Variants in GLYATL1 observed in about 807,000 individuals in gnomAD.
GLYATL1 encodes glycine-N-acyltransferase like 1, also known as glycine N-acyltransferase-like protein 1.
A neutral mutation model predicts 20.0 loss-of-function variants in GLYATL1; 15 were observed. The ratio of observed to expected loss-of-function variants is 0.75; its 90% CI spans 0.50 to 1.15. The LOEUF is 1.15. Among genes scored for constraint, GLYATL1 ranks in the 50% most tolerant of loss-of-function variants. The pLI is 0.00. For missense variants in GLYATL1, 380 were observed against 368.5 expected, an observed-to-expected ratio of 1.03 and a Z score of -0.26; for synonymous variants, 151 against 131.5, an observed-to-expected ratio of 1.15 and a Z score of -1.01.
rs956333589 is a variant in GLYATL1, at chr11:58,946,878, C to G, written c.-42-168C>G. 5.1e-5 allele frequency: 33 copies of G among 649,992 alleles called. No homozygotes were observed. In the African/African-American group the frequency reaches 5.4e-4, roughly 11 times the overall value. 40.3% of individuals were successfully genotyped at this position (649,992 alleles called of 1,614,324 possible). On this transcript the variant is annotated intron_variant, in intron 2 of 6. Coordinates refer to ENST00000532726, the MANE Select transcript of GLYATL1 (RefSeq NM_001389712.2). ...CAAAATCTGACTCTGGCATTTATCT[C>G]TAAGAACTTGAGAAATTTACTTAGT...
downstream of GLYATL1, among the ~76,000 whole-genome samples, chr11:58,911,641 C>T (rs1163746323): frequency 6.6e-6 from 1 of 152,038 alleles, no homozygotes; most frequent in Non-Finnish European, 1.5e-5. Context: ...AAATATTTTG[C>T]CCATTTTTAT....
chr11:58,953,393 T>G (rs938961708), intron 4 of GLYATL1, among the ~76,000 whole-genome samples: 3 of 150,306 alleles, frequency 2.0e-5, no homozygotes, highest in Non-Finnish European at 4.4e-5. Context: ...ACAGTCTGTT[T>G]TTTTTTTTTT....
intron 1 of GLYATL1, among the ~76,000 whole-genome samples, chr11:58,929,150 A>G (rs2135129338): frequency 6.6e-6 from 1 of 152,372 alleles, no homozygotes; most frequent in East Asian, 1.9e-4. Context: ...ACAATGGTGA[A>G]TAGAATCTGC....
upstream of GLYATL1, among the ~76,000 whole-genome samples, chr11:58,936,696 G>A (rs1050427661): frequency 6.6e-6 from 1 of 152,204 alleles, no homozygotes; most frequent in Admixed American, 6.5e-5. Flanking sequence ...TTGATTTGTA[G>A]TATAGCCAAA....
chr11:58,918,312 T>G (rs1480061260), intron 1 of GLYATL1, among the ~76,000 whole-genome samples: 1 of 152,272 alleles, frequency 6.6e-6, no homozygotes, highest in Non-Finnish European at 1.5e-5. Flanking sequence ...TTTCCAGGTT[T>G]GGACTGTAAC....
downstream of GLYATL1, among the ~76,000 whole-genome samples, chr11:58,911,100 C>A (rs1346518905): frequency 2.0e-5 from 3 of 152,176 alleles, no homozygotes; most frequent in African/African-American, 7.2e-5. Context: ...AGCATGGCTT[C>A]TTTCACTCAG....
intron 1 of GLYATL1, among the ~76,000 whole-genome samples, chr11:58,941,081 G>A (rs1209529958): frequency 6.6e-6 from 1 of 151,868 alleles, no homozygotes; most frequent in Non-Finnish European, 1.5e-5. Flanking sequence ...GGGTACATGT[G>A]CACAATGTGC....
chr11:58,950,313 A>T (rs1034093251), intron 4 of GLYATL1, among the ~76,000 whole-genome samples: 4 of 151,900 alleles, frequency 2.6e-5, no homozygotes, highest in African/African-American at 9.6e-5. Context: ...ACAAAAAAAT[A>T]AACAGAGGGA....
intron 1 of GLYATL1, 182 bp from the exon 2 acceptor site, chr11:58,943,361 C>T: frequency 6.5e-7 from 1 of 1,547,324 alleles, no homozygotes; most frequent in Non-Finnish European, 8.7e-7. Context: ...TGTTTCTGTA[C>T]CTGATTTCTG....
At chr11:58,954,407 G>A (rs1002880650) in intron 4 of GLYATL1, among the ~76,000 whole-genome samples, 1 of 152,118 alleles carries the variant, frequency 6.6e-6, no homozygotes, top group Non-Finnish European at 1.5e-5. Context: ...TATTCTGCTG[G>A]GTGCTTGGTG....
At chr11:58,927,379 G>T (rs1009892465), upstream of GLYATL1, among the ~76,000 whole-genome samples, 1 of 152,216 alleles carries the variant, frequency 6.6e-6, no homozygotes, top group Non-Finnish European at 1.5e-5. Context: ...TTTGCTGTGG[G>T]CTGTCTGCAA....
At chr11:58,914,876 T>C (rs938051494) in intron 1 of GLYATL1, among the ~76,000 whole-genome samples, 1 of 152,196 alleles carries the variant, frequency 6.6e-6, no homozygotes, top group African/African-American at 2.4e-5. Flanking sequence ...ATTATTTGCC[T>C]TTCTGGCTAT....
Position 58,914,217 on chromosome 11 carries a change from C to A in GLYATL1, n.264+8556C>A, listed in dbSNP as rs571808788. 2.9e-3 allele frequency among the ~76,000 whole-genome samples: 449 copies of A among 152,322 alleles called. 3 individuals are homozygous for A. Among genetic ancestry groups the A allele is most frequent in the African/African-American group, 1.0e-2 (414 of 41,580 alleles). ...CTGCTTTTAACACCTGCAGGTCCCA[C>A]CCTCTCATCCAATTCCACACCTCTG... On this transcript the variant is annotated intron_variant and non_coding_transcript_variant, in intron 1 of 2. Coordinates refer to the GLYATL1 transcript ENST00000534674.
At chr11:58,915,514 C>T (rs978055566) in intron 1 of GLYATL1, among the ~76,000 whole-genome samples, 25 of 152,146 alleles carry the variant, frequency 1.6e-4, no homozygotes, top group Non-Finnish European at 2.9e-5. Context: ...CTGGGCCTGG[C>T]CAGCTGCTCT....
downstream of GLYATL1, among the ~76,000 whole-genome samples, chr11:58,910,059 C>T (rs1855002042): frequency 6.6e-6 from 1 of 152,132 alleles, no homozygotes. Flanking sequence ...ATCTAATTGT[C>T]CCAACTTAAG....
At chr11:58,935,925 A>G (rs1052945687), upstream of GLYATL1, among the ~76,000 whole-genome samples, 1 of 152,190 alleles carries the variant, frequency 6.6e-6, no homozygotes, top group Non-Finnish European at 1.5e-5. Context: ...TGTCAATTAT[A>G]CCTCCATAAA....
At chr11:58,927,674 T>C (rs372659940), upstream of GLYATL1, 25 of 134,446 alleles carry the variant, frequency 1.9e-4, no homozygotes, top group African/African-American at 6.3e-4. Flanking sequence ...TAGCTTCTAA[T>C]GCCCTTTTTT....
At chr11:58,911,473 A>C (rs1237848073), downstream of GLYATL1, among the ~76,000 whole-genome samples, 4 of 152,208 alleles carry the variant, frequency 2.6e-5, no homozygotes, top group Non-Finnish European at 4.4e-5. Flanking sequence ...CAGTTGTTTC[A>C]TATACTTGTC....
Position 58,939,603 on chromosome 11 carries a change from T to C in GLYATL1, c.-214T>C, listed in dbSNP as rs1053842293. On this transcript the variant is annotated 5_prime_UTR_variant, in exon 1 of 7. Coordinates refer to ENST00000532726, the MANE Select transcript of GLYATL1 (RefSeq NM_001389712.2). Reference sequence around the variant, plus strand: ...CAGCTGGCCCCAACCATGGTCCTGATTGCCTTGGAAGAACTGCCTTTGGAA... The same window carrying C: ...CAGCTGGCCCCAACCATGGTCCTGACTGCCTTGGAAGAACTGCCTTTGGAA... 1 of 152,236 alleles carries C rather than the reference T, an allele frequency of 6.6e-6. No homozygotes were observed. The highest frequency in any genetic ancestry group is 1.5e-5 in the Non-Finnish European group (1 of 68,068). The allele number at this position is 152,236 out of a possible 1,614,324, so 9.4% of individuals were successfully genotyped here. A position where few individuals can be genotyped will look rare whatever the true frequency, so the allele number is the denominator to read the frequency against.
Sources: allele counts gnomAD v4.1 joint callset (sites outside exome capture counted in the v4.1 genomes callset), GRCh38; gene constraint gnomAD v4.1.1; transcripts MANE v1.5; gene names NCBI Gene and HGNC (gene_info 2026-07-23, HGNC 2026-07-21).